Variants in RFTN1 observed in about 807,000 individuals in gnomAD.
RFTN1 encodes the protein raftlin, lipid raft linker 1, also known as raftlin.
A neutral mutation model predicts 46.5 loss-of-function variants in RFTN1; 26 were observed. That is an observed-to-expected ratio of 0.56 (90% CI 0.41 to 0.78). The LOEUF is 0.78. RFTN1 is among the 30% of genes least tolerant of loss of function. The pLI, the probability that RFTN1 is intolerant of heterozygous loss-of-function variation, is 0.00. For synonymous variants in RFTN1, 261 were observed against 284.2 expected (o/e 0.92, Z 0.82); for missense variants, 693 against 718.7 (o/e 0.96, Z 0.41).
In RFTN1 at chr3:16,378,070, G is replaced by T. The variant is rs147724904; in HGVS notation, c.474C>A (p.Phe158Leu). ...AATGGTACTGAGGTATAACACCAAC[G>T]AATTTCAGGCCCTGGCTTGCAGCCT... ...IQEAASQGLK[F>L]VGVIPQYHSS... Residue 158 changes from phenylalanine (F) to leucine (L), a missense_variant, in exon 5 of 10, where the codon TTC (phenylalanine) becomes TTA (leucine). Coordinates refer to ENST00000334133, the MANE Select transcript of RFTN1 (RefSeq NM_015150.2). 11 of 1,611,452 alleles carry T rather than the reference G, an allele frequency of 6.8e-6. No homozygotes were observed. The highest frequency in any genetic ancestry group is 9.3e-6 in the Non-Finnish European group (11 of 1,177,724).
At chr3:16,492,883 T>C (rs1034594431) in intron 2 of RFTN1, among the ~76,000 whole-genome samples, 1 of 152,182 alleles carries the variant, frequency 6.6e-6, no homozygotes, top group Non-Finnish European at 1.5e-5. Flanking sequence ...CAGCAGGTGC[T>C]CAGCAAATGC....
In RFTN1 at chr3:16,426,109, C is replaced by A. The variant is rs73043132; in HGVS notation, c.332+7742G>T. Among the ~76,000 whole-genome samples, 4,520 of 152,258 alleles carry A rather than the reference C, an allele frequency of 0.03. 128 individuals are homozygous for A. The highest frequency in any genetic ancestry group is 0.14 in the South Asian group (651 of 4,822). The stretch of plus-strand genomic sequence containing the variant: ...CTCTCTGGGAATAAACCGGCGGCTG[C>A]AGTTTCCCATCACAGTAGCACGCAT... On this transcript the variant is annotated intron_variant, in intron 3 of 9. Coordinates refer to ENST00000334133, the MANE Select transcript of RFTN1 (RefSeq NM_015150.2). The surrounding 1 kb of genome is among the most constrained non-coding windows in gnomAD (Gnocchi z 5.9).
In RFTN1 at chr3:16,341,178, AC is replaced by A. The variant is rs2071294529; in HGVS notation, c.1147-14303del. ...TACTTAATGCCGGTGAGGATGTGGA[AC>A]AACAGCAACTCTCGTTCACTGTGGT... On this transcript the variant is annotated intron_variant, in intron 7 of 9. Transcript: ENST00000334133. The surrounding 1 kb of genome is among the most constrained non-coding windows in gnomAD (Gnocchi z 4.7). Among the ~76,000 whole-genome samples the A allele has an allele frequency of 6.6e-6, 1 of 152,332 alleles. No homozygotes were observed. Among genetic ancestry groups the A allele is most frequent in the South Asian group, 2.1e-4 (1 of 4,802 alleles).
rs2076268560 is a variant in RFTN1, at chr3:16,475,649, A to G, written c.145+18076T>C. Reference sequence around the variant, plus strand: ...GCCTCTTGGTACTTCCATGTCCAAGAGTAAAAATCAATGGAAAACTAAAGC... The same window carrying G: ...GCCTCTTGGTACTTCCATGTCCAAGGGTAAAAATCAATGGAAAACTAAAGC... On this transcript the variant is annotated intron_variant, in intron 2 of 9. Coordinates refer to ENST00000334133, the MANE Select transcript of RFTN1 (RefSeq NM_015150.2). The surrounding 1 kb of genome is among the most constrained non-coding windows in gnomAD (Gnocchi z 4.2). Among the ~76,000 whole-genome samples, 1 of 152,208 alleles carries G rather than the reference A, an allele frequency of 6.6e-6. No individual in the cohort carries two copies. The highest frequency in any genetic ancestry group is 2.4e-5 in the African/African-American group (1 of 41,448).
At chr3:16,415,318 TA>T (rs1370165873) in intron 3 of RFTN1, among the ~76,000 whole-genome samples, 2 of 150,896 alleles carry the variant, frequency 1.3e-5, no homozygotes, top group Admixed American at 6.6e-5. Context: ...GGCACAGGCT[TA>T]GGGGGGAAGA....
intron 8 of RFTN1, 23 bp from the exon 9 acceptor site, chr3:16,323,480 T>G (rs1418054858): frequency 6.3e-7 from 1 of 1,590,864 alleles, no homozygotes; most frequent in Non-Finnish European, 8.6e-7. Flanking sequence ...GAGCTGAGAA[T>G]GAGCCACTTT....
rs914624867 is a variant in RFTN1 at position 16,407,932 on chromosome 3, C to T, written c.441+1443G>A. ...GGGCCATAGACCCATACATGAGCGG[C>T]TACTCCCAGAGTCCCTGGAGCCTGA... On this transcript the variant is annotated intron_variant, in intron 4 of 9. Transcript: ENST00000334133. The surrounding 1 kb of genome is among the most constrained non-coding windows in gnomAD (Gnocchi z 4.0). 6.6e-6 allele frequency among the ~76,000 whole-genome samples: 1 copy of T among 152,216 alleles called. No individual in the cohort carries two copies. The highest frequency in any genetic ancestry group is 1.5e-5 in the Non-Finnish European group (1 of 68,018).
chr3:16,390,278 G>A (rs1420286787), intron 4 of RFTN1, among the ~76,000 whole-genome samples: 3 of 152,184 alleles, frequency 2.0e-5, no homozygotes, highest in Admixed American at 6.5e-5. Context: ...ATTTTGTAAA[G>A]TGTAAAATCT....
At chr3:16,432,150 C>T (rs1016133274) in intron 3 of RFTN1, among the ~76,000 whole-genome samples, 6 of 152,170 alleles carry the variant, frequency 3.9e-5, no homozygotes, top group Non-Finnish European at 7.3e-5. Context: ...GTGTCAGTGT[C>T]ACTCAAAACC....
Position 16,459,037 on chromosome 3 carries a change from T to C in RFTN1, c.146-25000A>G, listed in dbSNP as rs1401075837. On this transcript the variant is annotated intron_variant, in intron 2 of 9. Coordinates refer to ENST00000334133, the MANE Select transcript of RFTN1 (RefSeq NM_015150.2). The surrounding 1 kb of genome is among the most constrained non-coding windows in gnomAD (Gnocchi z 4.2). Reference sequence around the variant, plus strand: ...GCAGCCTCGACCTCCCAGACTCAGGTGATTCTCCCACCTCAGCCTCCCGAG... The same window carrying C: ...GCAGCCTCGACCTCCCAGACTCAGGCGATTCTCCCACCTCAGCCTCCCGAG... 1.3e-5 allele frequency among the ~76,000 whole-genome samples: 2 copies of C among 152,096 alleles called. No individual in the cohort carries two copies. The highest frequency in any genetic ancestry group is 2.9e-5 in the Non-Finnish European group (2 of 68,018).
Position 16,383,553 on chromosome 3 carries a change from T to A in RFTN1, c.442-5451A>T, listed in dbSNP as rs1193288710. Among the ~76,000 whole-genome samples the A allele has an allele frequency of 3.3e-5, 5 of 152,246 alleles. No individual in the cohort carries two copies. Among genetic ancestry groups the A allele is most frequent in the Non-Finnish European group, 7.3e-5 (5 of 68,038 alleles). Reference sequence around the variant, plus strand: ...TTATATATTTGAGGAATTATTTTTATTAAAAATAATATGACATTAGATTTC... The same window carrying A: ...TTATATATTTGAGGAATTATTTTTAATAAAAATAATATGACATTAGATTTC... On this transcript the variant is annotated intron_variant, in intron 4 of 9. Coordinates refer to ENST00000334133, the MANE Select transcript of RFTN1 (RefSeq NM_015150.2). The surrounding 1 kb of genome is among the most constrained non-coding windows in gnomAD (Gnocchi z 4.0).
At chr3:16,375,051 G>A (rs1445763374) in intron 5 of RFTN1, among the ~76,000 whole-genome samples, 1 of 152,230 alleles carries the variant, frequency 6.6e-6, no homozygotes. Flanking sequence ...GGGAAGAGGA[G>A]GGAGACTCCC....
At chr3:16,434,385 C>CA (rs1449024881) in intron 2 of RFTN1, among the ~76,000 whole-genome samples, 33 of 129,540 alleles carry the variant, frequency 2.5e-4, no homozygotes, top group African/African-American at 7.8e-4. Flanking sequence ...AACAAACAAA[C>CA]AAACAAACAA....
intron 3 of RFTN1, among the ~76,000 whole-genome samples, chr3:16,411,164 T>C (rs1240089823): frequency 6.6e-6 from 1 of 152,154 alleles, no homozygotes; most frequent in Non-Finnish European, 1.5e-5. Context: ...GAAGTCCCTG[T>C]GAGAGCAGGA....
chr3:16,359,564 TG>T (rs1453105547), intron 6 of RFTN1, among the ~76,000 whole-genome samples: 5 of 151,968 alleles, frequency 3.3e-5, no homozygotes, highest in African/African-American at 1.2e-4. Flanking sequence ...AAAAGCCACG[TG>T]AGGACACAGC....
chr3:16,372,909 A>G (rs2073583059), intron 5 of RFTN1, among the ~76,000 whole-genome samples: 1 of 152,196 alleles, frequency 6.6e-6, no homozygotes, highest in Non-Finnish European at 1.5e-5. Flanking sequence ...TATTGGGAGA[A>G]ACCTGATTGC....
Position 16,338,619 on chromosome 3 carries a change from T to TC in RFTN1, c.1147-11744dup, listed in dbSNP as rs2071083292. Among the ~76,000 whole-genome samples the TC allele has an allele frequency of 6.6e-6, 1 of 152,222 alleles. No individual in the cohort carries two copies. The highest frequency in any genetic ancestry group is 6.5e-5 in the Admixed American group (1 of 15,282). On this transcript the variant is annotated intron_variant, in intron 7 of 9. Coordinates refer to ENST00000334133, the MANE Select transcript of RFTN1 (RefSeq NM_015150.2). The surrounding 1 kb of genome is among the most constrained non-coding windows in gnomAD (Gnocchi z 5.3). The stretch of plus-strand genomic sequence containing the variant: ...TCCATCCAGAGACTTGCCAGGTCCC[T>TC]CCTACTGGCTTTGATGAGAGAGAAA...
Position 16,500,017 on chromosome 3 carries a change from C to T in RFTN1, c.-8-6140G>A, listed in dbSNP as rs977673251. On this transcript the variant is annotated intron_variant, in intron 1 of 9. Coordinates refer to ENST00000334133, the MANE Select transcript of RFTN1 (RefSeq NM_015150.2). The surrounding 1 kb of genome is among the most constrained non-coding windows in gnomAD (Gnocchi z 5.9). ...AAAGTGTATGGAAAGTGAGATCTCT[C>T]AAAGATCAGCTAGCCCCTGCTCAAC... Among the ~76,000 whole-genome samples, 14 of 152,160 alleles carry T rather than the reference C, an allele frequency of 9.2e-5. No homozygotes were observed. The highest frequency in any genetic ancestry group is 3.4e-4 in the African/African-American group (14 of 41,424).
intron 2 of RFTN1, among the ~76,000 whole-genome samples, chr3:16,437,227 T>C (rs2075533234): frequency 6.6e-6 from 1 of 152,172 alleles, no homozygotes; most frequent in African/African-American, 2.4e-5. Flanking sequence ...TGCAAGGGTG[T>C]TGGGGAAACA....
Sources: allele counts gnomAD v4.1 joint callset (sites outside exome capture counted in the v4.1 genomes callset), GRCh38; gene constraint gnomAD v4.1.1; non-coding constraint Gnocchi (gnomAD v3.1); transcripts MANE v1.5; gene names NCBI Gene and HGNC (gene_info 2026-07-23, HGNC 2026-07-21).